CRYBG3: variants seen among roughly 807,000 people sequenced by gnomAD.
CRYBG3 encodes crystallin beta-gamma domain containing 3, also known as very large A-kinase anchor protein.
Under a neutral mutation model 244.2 loss-of-function variants are expected in CRYBG3, and 127 were observed. That is an observed-to-expected ratio of 0.52 (90% CI 0.45 to 0.60). The LOEUF is 0.60. Ranked by LOEUF, CRYBG3 falls within the 20% of genes least tolerant of loss-of-function variation. CRYBG3 has a pLI of 0.00. For synonymous variants in CRYBG3, 1,132 were observed against 1,195.8 expected (o/e 0.95, Z 1.10); for missense variants, 3,325 against 3,442.5 (o/e 0.97, Z 0.85).
At chr3:97,899,612 T>C (rs572285026) in intron 14 of CRYBG3, among the ~76,000 whole-genome samples, 2 of 152,112 alleles carry the variant, frequency 1.3e-5, no homozygotes, top group Non-Finnish European at 1.5e-5. Flanking sequence ...GATAGTATGA[T>C]TAGTGAGAAA....
rs577134289 is a variant in CRYBG3 at position 97,876,245 on chromosome 3, C to A, written c.5051C>A (p.Thr1684Lys). 9.7e-6 allele frequency: 12 copies of A among 1,231,466 alleles called. No individual in the cohort carries two copies. Among genetic ancestry groups the A allele is most frequent in the African/African-American group, 1.6e-5 (1 of 64,218 alleles). 76.3% of individuals were successfully genotyped at this position (1,231,466 alleles called of 1,614,324 possible). A position where few individuals can be genotyped will look rare whatever the true frequency, so the allele number is the denominator to read the frequency against. ...GAAGGGGATATTGGCAAGACTGGGA[C>A]GATAGCCTTGTCAGAAGTGGAAAAT... ...HAEGDIGKTG[T>K]IALSEVENIH... Residue 1684 changes from threonine (T) to lysine (K), a missense_variant, in exon 4 of 22, where the codon ACG becomes AAG. Around this residue, in one of 4 missense-constraint regions of CRYBG3, gnomAD observed 635 missense variants for 771.7 expected, o/e 0.82. Transcript: ENST00000389622.
chr3:97,851,260 G>T (rs866150185), intron 2 of CRYBG3, among the ~76,000 whole-genome samples: 2 of 152,066 alleles, frequency 1.3e-5, no homozygotes, highest in Non-Finnish European at 2.9e-5. Context: ...TCAACTTTTG[G>T]CAAAATTTCC....
chr3:97,827,100 C>T (rs545341672), intron 1 of CRYBG3, among the ~76,000 whole-genome samples: 1 of 152,330 alleles, frequency 6.6e-6, no homozygotes, highest in Admixed American at 6.5e-5. Flanking sequence ...CTCCTTGACC[C>T]TTCAGGCTTT....
At chr3:97,867,024 T>C (rs1232512653) in intron 3 of CRYBG3, 1 of 152,180 alleles carries the variant, frequency 6.6e-6, no homozygotes, top group African/African-American at 2.4e-5. Flanking sequence ...CTAAGAATTA[T>C]AATTTAGCCC....
chr3:97,870,076 A>G (rs1456337967), intron 3 of CRYBG3, among the ~76,000 whole-genome samples: 2 of 152,188 alleles, frequency 1.3e-5, no homozygotes, highest in Middle Eastern at 3.2e-3. Context: ...TCATATGTTT[A>G]ATCAGAAAAA....
At chr3:97,862,089 A>G (rs1339074902) in intron 2 of CRYBG3, among the ~76,000 whole-genome samples, 1 of 75,692 alleles carries the variant, frequency 1.3e-5, no homozygotes, top group Admixed American at 1.7e-4. Context: ...AGGAGAAACA[A>G]GTTTTTTTTT....
intron 19 of CRYBG3, among the ~76,000 whole-genome samples, chr3:97,938,817 A>G (rs1173709817): frequency 6.6e-6 from 1 of 151,904 alleles, no homozygotes; most frequent in East Asian, 1.9e-4. Flanking sequence ...TATTATTCAC[A>G]ATGTCCCTTG....
rs556349251 is a variant in CRYBG3 at position 97,875,531 on chromosome 3, G to A, written c.4337G>A (p.Arg1446His). The A allele has an allele frequency of 3.3e-4, 416 of 1,264,194 alleles. 2 individuals are homozygous for A. In the Middle Eastern group the frequency reaches 3.3e-3, roughly 10 times the overall value. 78.3% of individuals were successfully genotyped at this position (1,264,194 alleles called of 1,614,324 possible). ...GATAGGGTAAAAACACATTTATTTC[G>A]CAGTGAGGACTGTAATGAGACAATG... ...LDDRVKTHLF[R>H]SEDCNETMEI... Residue 1446 changes from arginine (R) to histidine (H), a missense_variant, in exon 4 of 22, where the codon CGC (arginine) becomes CAC (histidine). Physicochemically the swap from Arg to His is conservative, Grantham distance 29. Coordinates refer to ENST00000389622, the MANE Select transcript of CRYBG3 (RefSeq NM_153605.4).
At chr3:97,879,807 G>C in intron 5 of CRYBG3, 59 bp downstream of exon 5, 1 of 1,281,460 alleles carries the variant, frequency 7.8e-7, no homozygotes, top group Non-Finnish European at 1.1e-6. Flanking sequence ...TTTCAGGCTT[G>C]AGGAATTTAA....
intron 17 of CRYBG3, among the ~76,000 whole-genome samples, chr3:97,919,282 GA>G (rs149648588): frequency 0.013 from 1,923 of 152,112 alleles, 42 homozygotes; most frequent in African/African-American, 0.044. Context: ...AATTCATTTA[GA>G]ATTCTAAAAT....
At chr3:97,852,056 G>A (rs190636024) in intron 2 of CRYBG3, among the ~76,000 whole-genome samples, 1 of 152,274 alleles carries the variant, frequency 6.6e-6, no homozygotes, top group Non-Finnish European at 1.5e-5. Flanking sequence ...TGAGTTTGAG[G>A]TCCAGTGAAG....
At chr3:97,831,144 A>C (rs1462064001) in intron 1 of CRYBG3, among the ~76,000 whole-genome samples, 2 of 152,140 alleles carry the variant, frequency 1.3e-5, no homozygotes, top group Non-Finnish European at 2.9e-5. Flanking sequence ...CTTAAGAGAG[A>C]GGGAAGTGGA....
chr3:97,911,350 T>C (rs2039870324), intron 15 of CRYBG3, among the ~76,000 whole-genome samples: 1 of 152,184 alleles, frequency 6.6e-6, no homozygotes, highest in Non-Finnish European at 1.5e-5. Flanking sequence ...TTACGGGCTC[T>C]TTAATTTTTT....
chr3:97,843,125 A>AG (rs1478751161), intron 1 of CRYBG3, 70 bp from the exon 2 acceptor site: 41 of 949,498 alleles, frequency 4.3e-5, no homozygotes, highest in Non-Finnish European at 5.6e-5. Context: ...GTTTGAGTTT[A>AG]AATACAGAAA....
At position 97,885,428 on chromosome 3, in the gene CRYBG3, T is replaced by A. The variant is rs144930521; in HGVS notation, c.7153-1203T>A. Among the ~76,000 whole-genome samples, 4 of 152,278 alleles carry A rather than the reference T, an allele frequency of 2.6e-5. No homozygotes were observed. The East Asian group carries it at 7.7e-4, about 29-fold the overall frequency. On this transcript the variant is annotated intron_variant, in intron 7 of 21. Coordinates refer to ENST00000389622, the MANE Select transcript of CRYBG3 (RefSeq NM_153605.4). ...TATGCATTTGAATCTCACAGTGTCATAGGGGATAATTACTAAAACTTGAGT... is the reference window on the plus strand; with the variant it reads ...TATGCATTTGAATCTCACAGTGTCAAAGGGGATAATTACTAAAACTTGAGT...
chr3:97,827,614 C>A (rs971321585), intron 1 of CRYBG3, among the ~76,000 whole-genome samples: 12 of 152,170 alleles, frequency 7.9e-5, no homozygotes, highest in African/African-American at 2.7e-4. Flanking sequence ...CAAAAACAAA[C>A]TAACCTTTAT....
chr3:97,830,695 G>C (rs1454205714), intron 1 of CRYBG3, among the ~76,000 whole-genome samples: 1 of 152,092 alleles, frequency 6.6e-6, no homozygotes, highest in Admixed American at 6.6e-5. Flanking sequence ...AGGCTAGTAC[G>C]ATTTCTGGAC....
intron 1 of CRYBG3, among the ~76,000 whole-genome samples, chr3:97,830,184 G>T (rs2038636142): frequency 6.6e-6 from 1 of 152,126 alleles, no homozygotes; most frequent in African/African-American, 2.4e-5. Flanking sequence ...TACTTTCTTT[G>T]TGTGATATTT....
chr3:97,899,791 C>A (rs939049569), intron 14 of CRYBG3, among the ~76,000 whole-genome samples: 1 of 152,126 alleles, frequency 6.6e-6, no homozygotes, highest in African/African-American at 2.4e-5. Context: ...GAATAATCTC[C>A]TTGTATGCAA....
Sources: gnomAD v4.1 joint callset for allele counts (sites outside exome capture counted in the v4.1 genomes callset) on GRCh38, gnomAD v4.1.1 for gene constraint, gnomAD v4.1.1 regional missense constraint, MANE v1.5 for transcripts, NCBI Gene and HGNC (gene_info 2026-07-23, HGNC 2026-07-21) for gene names.